The following CACNB2 variants were observed in gnomAD, a reference collection of about 807,000 sequenced individuals.
CACNB2 encodes the protein calcium voltage-gated channel auxiliary subunit beta 2.
A neutral mutation model predicts 73.3 loss-of-function variants in CACNB2; 42 were observed. The ratio of observed to expected loss-of-function variants is 0.57; its 90% CI spans 0.45 to 0.74. The LOEUF (loss-of-function observed/expected upper bound fraction) is 0.74. CACNB2 is among the 30% of genes least tolerant of loss of function. The pLI is 0.00. For missense variants in CACNB2, 940 were observed against 853.0 expected, an observed-to-expected ratio of 1.10 and a Z score of -1.27; for synonymous variants, 348 against 310.3, an observed-to-expected ratio of 1.12 and a Z score of -1.28.
chr10:18,184,780 G>T (rs1279683536), intron 2 of CACNB2, among the ~76,000 whole-genome samples: 4 of 150,888 alleles, frequency 2.7e-5, no homozygotes, highest in African/African-American at 7.3e-5. Context: ...TTGTTACCTA[G>T]GTAAACACCT....
rs774859936 is a variant in CACNB2 at position 18,474,192 on chromosome 10, G to A, written c.334-24163G>A. ...GAACATTGCAAATCTGAACATGACC[G>A]CAGCTGGCGGGAGAATAATGTGTTA... On this transcript the variant is annotated intron_variant, in intron 3 of 13. Transcript: ENST00000324631. 4.6e-5 allele frequency among the ~76,000 whole-genome samples: 7 copies of A among 152,252 alleles called. No individual in the cohort carries two copies. In the South Asian group the frequency reaches 6.2e-4, roughly 14 times the overall value.
chr10:18,473,936 C>G (rs780888126), intron 3 of CACNB2, among the ~76,000 whole-genome samples: 1 of 152,158 alleles, frequency 6.6e-6, no homozygotes, highest in Non-Finnish European at 1.5e-5. Context: ...CTCCCCGCCA[C>G]GCTGCTCTCT....
chr10:18,404,481 A>G (rs1459796500), intron 3 of CACNB2, among the ~76,000 whole-genome samples: 2 of 152,224 alleles, frequency 1.3e-5, no homozygotes, highest in African/African-American at 4.8e-5. Context: ...ATAACAATTC[A>G]TGCTATTTAA....
intron 2 of CACNB2, among the ~76,000 whole-genome samples, chr10:18,313,367 C>G (rs12570698): frequency 6.6e-6 from 1 of 150,538 alleles, no homozygotes; most frequent in East Asian, 1.9e-4. Context: ...CTGGCCCCTA[C>G]GTACTAGACG....
chr10:18,233,180 G>A (rs12359226), intron 2 of CACNB2, among the ~76,000 whole-genome samples: 1,818 of 152,162 alleles, frequency 0.012, 46 homozygotes, highest in East Asian at 0.11. Context: ...AGGACAGGGC[G>A]GCAGATAAGT....
chr10:18,417,299 G>A (rs148058457), intron 3 of CACNB2, among the ~76,000 whole-genome samples: 5 of 148,300 alleles, frequency 3.4e-5, no homozygotes, highest in African/African-American at 1.2e-4. Flanking sequence ...CACCATTGAT[G>A]TGAAACAAGT....
chr10:18,460,354 A>T (rs901922479), intron 3 of CACNB2, among the ~76,000 whole-genome samples: 2 of 152,186 alleles, frequency 1.3e-5, no homozygotes, highest in African/African-American at 4.8e-5. Flanking sequence ...TTTAGTAGGG[A>T]TAAGTTCCAA....
intron 2 of CACNB2, among the ~76,000 whole-genome samples, chr10:18,212,050 C>T (rs796805649): frequency 3.9e-5 from 6 of 152,298 alleles, no homozygotes; most frequent in African/African-American, 1.4e-4. Flanking sequence ...TCCTCCAGGC[C>T]TCAGGTGTTT....
intron 2 of CACNB2, among the ~76,000 whole-genome samples, chr10:18,223,940 G>A (rs2035887828): frequency 6.6e-6 from 1 of 151,538 alleles, no homozygotes; most frequent in South Asian, 2.1e-4. Flanking sequence ...TAGATAATAG[G>A]CAGCCTACCC....
intron 2 of CACNB2, among the ~76,000 whole-genome samples, chr10:18,345,572 C>G (rs566839128): frequency 6.6e-6 from 1 of 152,176 alleles, no homozygotes; most frequent in Non-Finnish European, 1.5e-5. Context: ...TTCCTTCTTT[C>G]TTTCCTATTA....
intron 2 of CACNB2, among the ~76,000 whole-genome samples, chr10:18,184,282 G>A (rs1024271674): frequency 1.3e-5 from 2 of 152,260 alleles, no homozygotes; most frequent in South Asian, 2.1e-4. Flanking sequence ...GAGGCATCAT[G>A]GTTATAGGAA....
chr10:18,174,460 A>G (rs12776808), intron 2 of CACNB2, among the ~76,000 whole-genome samples: 12,592 of 146,268 alleles, frequency 0.086, 567 homozygotes, highest in South Asian at 0.12. Context: ...CTGGAGTGCA[A>G]TGACACAATC....
Position 18,355,792 on chromosome 10 carries a change from C to T in CACNB2, c.214-46132C>T, listed in dbSNP as rs575794317. Reference sequence around the variant, plus strand: ...CTGGGATTACAGGTGCCTGCCACCACGCCTGCCTCATTTTTTTGTATTTTT... The same window carrying T: ...CTGGGATTACAGGTGCCTGCCACCATGCCTGCCTCATTTTTTTGTATTTTT... On this transcript the variant is annotated intron_variant, in intron 2 of 13. Coordinates refer to ENST00000324631, the MANE Select transcript of CACNB2 (RefSeq NM_201596.3). Among the ~76,000 whole-genome samples the T allele has an allele frequency of 6.6e-5, 10 of 152,016 alleles. No individual in the cohort carries two copies. The South Asian group carries it at 1.2e-3, about 19-fold the overall frequency.
chr10:18,171,521 G>GAAAAAAAAAAAAAAAAAA lies in CACNB2; in HGVS notation c.213+20557_213+20574dup, dbSNP rs370201485. On this transcript the variant is annotated intron_variant, in intron 2 of 13. Coordinates refer to ENST00000324631, the MANE Select transcript of CACNB2 (RefSeq NM_201596.3). Reference sequence around the variant, plus strand: ...TCCCTTCTTCCCGGCTTTGATAGCAGAAAAAAAAAAAAAAAAAAAAAAAAA... The same window carrying GAAAAAAAAAAAAAAAAAA: ...TCCCTTCTTCCCGGCTTTGATAGCAGAAAAAAAAAAAAAAAAAAAAAAAAAAAAAAAAAAAAAAAAAAA... Among the ~76,000 whole-genome samples, 26 of 32,600 alleles carry GAAAAAAAAAAAAAAAAAA rather than the reference G, an allele frequency of 8.0e-4. 8 individuals are homozygous for GAAAAAAAAAAAAAAAAAA. The highest frequency in any genetic ancestry group is 9.7e-4 in the Non-Finnish European group (17 of 17,508). 21.4% of individuals were successfully genotyped at this position (32,600 alleles called of 152,430 possible).
intron 2 of CACNB2, chr10:18,260,547 G>A (rs1296960605): frequency 1.0e-6 from 1 of 985,716 alleles, no homozygotes; most frequent in Non-Finnish European, 1.2e-6. Context: ...ACCTACTGCA[G>A]GACAAAGCAT....
intron 2 of CACNB2, among the ~76,000 whole-genome samples, chr10:18,221,690 A>G (rs1037709550): frequency 6.6e-6 from 1 of 152,230 alleles, no homozygotes; most frequent in Non-Finnish European, 1.5e-5. Flanking sequence ...AAATAAAAGT[A>G]AAAAATGAAA....
rs76390916 is a variant in CACNB2, at chr10:18,446,567, A to C, written c.333+44524A>C. On this transcript the variant is annotated intron_variant, in intron 3 of 13. Transcript: ENST00000324631. ...ATGGGTGATAAAGGGAGTGCTTTCT[A>C]ATGTGTATTGGTAGATGTTTCCAGT... Among the ~76,000 whole-genome samples the C allele has an allele frequency of 1.2e-3, 189 of 152,256 alleles. 1 individual carries two copies. Among genetic ancestry groups the C allele is most frequent in the Middle Eastern group, 6.8e-3 (2 of 294 alleles).
Position 18,340,984 on chromosome 10 carries a change from A to G in CACNB2, c.214-60940A>G, listed in dbSNP as rs2041210598. ...TAAATACATTATTCCTGGGGTAAGC[A>G]TACGGGAGAGAAGCCGGCCAGATGC... On this transcript the variant is annotated intron_variant, in intron 2 of 13. Transcript: ENST00000324631. 6.2e-7 allele frequency: 1 copy of G among 1,614,112 alleles called. No homozygotes were observed. The highest frequency in any genetic ancestry group is 8.5e-7 in the Non-Finnish European group (1 of 1,179,988).
chr10:18,331,904 T>C (rs1564443286), intron 2 of CACNB2, among the ~76,000 whole-genome samples: 1 of 152,034 alleles, frequency 6.6e-6, no homozygotes, highest in Non-Finnish European at 1.5e-5. Context: ...AGGAGTTGAT[T>C]AGGGGCGCAG....
Sources: gnomAD v4.1 joint callset for allele counts (sites outside exome capture counted in the v4.1 genomes callset) on GRCh38, gnomAD v4.1.1 for gene constraint, MANE v1.5 for transcripts, NCBI Gene and HGNC (gene_info 2026-07-23, HGNC 2026-07-21) for gene names.